PTPRA: variants seen among roughly 807,000 people sequenced by gnomAD.
The protein encoded by PTPRA is protein tyrosine phosphatase receptor type A.
Under a neutral mutation model 104.8 loss-of-function variants are expected in PTPRA, and 25 were observed. The observed-to-expected ratio is 0.24, with a 90% CI of 0.17 to 0.33. The LOEUF (loss-of-function observed/expected upper bound fraction) is 0.33, where lower values mean the gene tolerates loss of function less well. Among genes scored for constraint, PTPRA ranks in the 10% least tolerant of loss-of-function variants. PTPRA has a pLI of 1.00. For synonymous variants in PTPRA, 323 were observed against 368.9 expected (o/e 0.88, Z 1.43); for missense variants, 765 against 1,015.3 (o/e 0.75, Z 3.35).
At chr20:3,030,710 G>C (rs1213448616) in intron 20 of PTPRA, among the ~76,000 whole-genome samples, 1 of 105,090 alleles carries the variant, frequency 9.5e-6, no homozygotes, top group Non-Finnish European at 1.7e-5. Context: ...TTTTGAGATG[G>C]AGTCTCACTC....
chr20:2,943,214 C>T (rs980991034), intron 2 of PTPRA, among the ~76,000 whole-genome samples: 1 of 36,366 alleles, frequency 2.7e-5, no homozygotes, highest in Non-Finnish European at 6.2e-5. Context: ...TATCCCCCCA[C>T]CCCCCCCCCA....
At chr20:2,993,882 T>G (rs1331831189) in intron 9 of PTPRA, among the ~76,000 whole-genome samples, 1 of 152,158 alleles carries the variant, frequency 6.6e-6, no homozygotes, top group Non-Finnish European at 1.5e-5. Flanking sequence ...CGGGAGCATC[T>G]AGTTTCTTTC....
At chr20:2,963,848 A>G (rs1289261765) in intron 3 of PTPRA, among the ~76,000 whole-genome samples, 1 of 152,092 alleles carries the variant, frequency 6.6e-6, no homozygotes, top group African/African-American at 2.4e-5. Context: ...AGAGCAGCCT[A>G]GACAACATAG....
At chr20:2,961,939 G>A (rs1260309543) in intron 3 of PTPRA, among the ~76,000 whole-genome samples, 1 of 152,138 alleles carries the variant, frequency 6.6e-6, no homozygotes, top group Non-Finnish European at 1.5e-5. Flanking sequence ...TATGATCTCT[G>A]TTCCGTTCCA....
intron 5 of PTPRA, among the ~76,000 whole-genome samples, chr20:2,972,558 T>C (rs2062236189): frequency 6.6e-6 from 1 of 152,214 alleles, no homozygotes; most frequent in African/African-American, 2.4e-5. Context: ...TTATTTCTTA[T>C]TTTTTTCATT....
Position 2,923,249 on chromosome 20 carries a change from C to G in PTPRA, c.-86C>G, listed in dbSNP as rs1212057881. The stretch of plus-strand genomic sequence containing the variant: ...AAACAAAGGTATTTATGGAATTCCA[C>G]TGAGTGGTAATGGATGATGCAGTTC... On this transcript the variant is annotated 5_prime_UTR_variant, in exon 2 of 24. Transcript: ENST00000399903. 4 of 1,277,802 alleles carry G rather than the reference C, an allele frequency of 3.1e-6. No homozygotes were observed. In the African/African-American group the frequency reaches 6.1e-5, roughly 20 times the overall value. The allele number at this position is 1,277,802 out of a possible 1,614,324, so 79.2% of individuals were successfully genotyped here. A position where few individuals can be genotyped will look rare whatever the true frequency, so the allele number is the denominator to read the frequency against.
chr20:3,036,086 A>G (rs548023950), intron 22 of PTPRA, 145 bp downstream of exon 22: 35 of 1,424,570 alleles, frequency 2.5e-5, no homozygotes, highest in Non-Finnish European at 3.3e-5. Flanking sequence ...ATGCCAAGAC[A>G]GGATTGGATG....
At chr20:2,884,812 G>GTTTTTTTT in intron 1 of PTPRA, among the ~76,000 whole-genome samples, 1 of 127,020 alleles carries the variant, frequency 7.9e-6, no homozygotes, top group Non-Finnish European at 1.6e-5. Context: ...TGTTTTTTTT[G>GTTTTTTTT]TTTTTTTTTT....
chr20:2,968,176 G>A (rs2062014462), intron 5 of PTPRA, among the ~76,000 whole-genome samples: 1 of 152,094 alleles, frequency 6.6e-6, no homozygotes, highest in Non-Finnish European at 1.5e-5. Context: ...GAGGCAAATT[G>A]CATCCTTACA....
intron 1 of PTPRA, among the ~76,000 whole-genome samples, chr20:2,888,008 A>G (rs1403366437): frequency 6.6e-6 from 1 of 152,226 alleles, no homozygotes; most frequent in African/African-American, 2.4e-5. Flanking sequence ...ATTTCCAGCC[A>G]GTATTTCTCT....
intron 5 of PTPRA, among the ~76,000 whole-genome samples, chr20:2,973,501 A>G (rs2062281036): frequency 6.6e-6 from 1 of 152,168 alleles, no homozygotes; most frequent in Non-Finnish European, 1.5e-5. Context: ...TTCTCTCCCC[A>G]GTTACATTCC....
chr20:2,960,861 T>TA (rs980712160), intron 3 of PTPRA, among the ~76,000 whole-genome samples: 5 of 151,866 alleles, frequency 3.3e-5, no homozygotes, highest in Non-Finnish European at 7.4e-5. Flanking sequence ...TTTTTTTTTT[T>TA]AACCAGTGAT....
chr20:2,872,594 C>T (rs1036544197), upstream of PTPRA, among the ~76,000 whole-genome samples: 1 of 152,268 alleles, frequency 6.6e-6, no homozygotes, highest in Non-Finnish European at 1.5e-5. This position sits in a 1 kb window ranked among gnomAD's most constrained non-coding sequence, Gnocchi z 7.9. Flanking sequence ...CCTATCTCGA[C>T]TGCGTAATCG....
intron 20 of PTPRA, among the ~76,000 whole-genome samples, chr20:3,029,540 C>CTTTTTTT (rs71195813): frequency 0.012 from 915 of 77,984 alleles, 229 homozygotes; most frequent in African/African-American, 0.047. Context: ...TCTTCATCAT[C>CTTTTTTT]TTTTTTTTTT....
At position 3,037,197 on chromosome 20, in the gene PTPRA, G is replaced by A. The variant is rs367645535; in HGVS notation, c.2242G>A (p.Val748Ile). Residue 748 changes from valine to isoleucine, a missense_variant, in exon 23 of 24, where the codon GTC becomes ATC. Physicochemically the swap from Val to Ile is conservative, Grantham distance 29. Transcript: ENST00000399903. The surrounding 1 kb of genome is among the most constrained non-coding windows in gnomAD (Gnocchi z 4.3). ...GGGGACCTTCTGTGCCCTGAGCACCGTCCTGGAGCGTGTGAAAGCAGAGGG... is the reference window on the plus strand; with the variant it reads ...GGGGACCTTCTGTGCCCTGAGCACCATCCTGGAGCGTGTGAAAGCAGAGGG... ...RTGTFCALST[V>I]LERVKAEGIL... The A allele has an allele frequency of 1.4e-4, 226 of 1,614,240 alleles. No homozygotes were observed. The highest frequency in any genetic ancestry group is 3.4e-4 in the South Asian group (31 of 91,086).
intron 9 of PTPRA, among the ~76,000 whole-genome samples, chr20:2,992,303 G>T (rs1194299685): frequency 6.6e-6 from 1 of 152,142 alleles, no homozygotes; most frequent in Non-Finnish European, 1.5e-5. Context: ...GATCACCTGA[G>T]GTCAGAAGTT....
rs576907089 is a variant in PTPRA, at chr20:2,885,832, A to G, written c.-129+12072A>G. Among the ~76,000 whole-genome samples the G allele has an allele frequency of 9.2e-5, 14 of 152,154 alleles. No homozygotes were observed. In the East Asian group the frequency reaches 1.4e-3, roughly 15 times the overall value. ...TGTAATCCCAGCACTTTGGGAGGCC[A>G]AGGTGGGTGGATCATGAGGTCAGGA... On this transcript the variant is annotated intron_variant, in intron 1 of 23. Coordinates refer to ENST00000399903, the MANE Select transcript of PTPRA (RefSeq NM_001385305.1).
In PTPRA at chr20:2,908,223, G is replaced by A. The variant is rs114778812; in HGVS notation, c.-128-14984G>A. ...CCTGTGAATCGGAAATACTGTGATC[G>A]GTCCTTAGTTTGGTAACATTGATGT... On this transcript the variant is annotated intron_variant, in intron 1 of 23. Coordinates refer to ENST00000399903, the MANE Select transcript of PTPRA (RefSeq NM_001385305.1). 8.1e-3 allele frequency among the ~76,000 whole-genome samples: 1,228 copies of A among 152,092 alleles called. 12 individuals are homozygous for A. Among genetic ancestry groups the A allele is most frequent in the South Asian group, 0.027 (128 of 4,806 alleles).
chr20:2,898,264 T>G (rs1052782478), intron 1 of PTPRA, among the ~76,000 whole-genome samples: 4 of 150,352 alleles, frequency 2.7e-5, no homozygotes, highest in Non-Finnish European at 5.9e-5. Flanking sequence ...GTATTTTTAG[T>G]AGAGACGGGG....
Sources: allele counts gnomAD v4.1 joint callset (sites outside exome capture counted in the v4.1 genomes callset), GRCh38; gene constraint gnomAD v4.1.1; non-coding constraint Gnocchi (gnomAD v3.1); transcripts MANE v1.5; gene names NCBI Gene and HGNC (gene_info 2026-07-23, HGNC 2026-07-21).